Variants in XRN2 observed in about 807,000 individuals in gnomAD.
XRN2 encodes the protein DHM1-like protein.
A neutral mutation model predicts 138.5 loss-of-function variants in XRN2; 44 were observed. The ratio of observed to expected loss-of-function variants is 0.32; its 90% CI spans 0.25 to 0.41. The LOEUF is 0.41. Ranked by LOEUF, XRN2 falls within the 10% of genes least tolerant of loss-of-function variation. XRN2 has a pLI of 1.00. For synonymous variants in XRN2, 354 were observed against 369.4 expected, an observed-to-expected ratio of 0.96 and a Z score of 0.48; for missense variants, 937 against 1,169.3, an observed-to-expected ratio of 0.80 and a Z score of 2.90.
chr20:21,317,098 C>G (rs914450982), intron 1 of XRN2, among the ~76,000 whole-genome samples: 1 of 152,166 alleles, frequency 6.6e-6, no homozygotes, highest in Middle Eastern at 3.4e-3. Context: ...TTTCCTTTTC[C>G]TGCCTAATTG....
At chr20:21,303,567 C>G in intron 1 of XRN2, 94 bp downstream of exon 1, 8 of 1,410,052 alleles carry the variant, frequency 5.7e-6, no homozygotes, top group Non-Finnish European at 7.4e-6. Flanking sequence ...CCCCGGGGAG[C>G]CTTGCCGGAG....
Position 21,386,864 on chromosome 20 carries a change from A to G in XRN2, c.2649-4A>G. 1.9e-6 allele frequency: 3 copies of G among 1,609,036 alleles called. No homozygotes were observed. The highest frequency in any genetic ancestry group is 2.6e-6 in the Non-Finnish European group (3 of 1,175,864). ...TCTGATGTAAAACTGGTACTTTCCT[A>G]CAGAGGCGTTGGGGCTGAACCTCTG... On this transcript the variant is annotated splice_polypyrimidine_tract_variant and splice_region_variant and intron_variant, in intron 28 of 29. Coordinates refer to ENST00000377191, the MANE Select transcript of XRN2 (RefSeq NM_012255.5).
At chr20:21,341,848 G>C (rs1470485225) in intron 15 of XRN2, among the ~76,000 whole-genome samples, 6 of 152,192 alleles carry the variant, frequency 3.9e-5, no homozygotes, top group Admixed American at 3.9e-4. Flanking sequence ...TGATGGTAGA[G>C]TACTTTTTTT....
chr20:21,361,348 T>A lies in XRN2; in HGVS notation c.2255+3556T>A, dbSNP rs114572524. 5.9e-3 allele frequency among the ~76,000 whole-genome samples: 902 copies of A among 152,340 alleles called. 9 individuals carry two copies. The highest frequency in any genetic ancestry group is 0.021 in the African/African-American group (869 of 41,570). On this transcript the variant is annotated intron_variant, in intron 24 of 29. Transcript: ENST00000377191. The stretch of plus-strand genomic sequence containing the variant: ...GGTTACCTATTAAGGAAAGGATCTG[T>A]TATGCTACTTGGGGGAAAGCTGGTC...
chr20:21,318,055 ACTTTT>A lies in XRN2; in HGVS notation c.76-8218_76-8214del, dbSNP rs1273834293. On this transcript the variant is annotated intron_variant, in intron 1 of 29. Coordinates refer to ENST00000377191, the MANE Select transcript of XRN2 (RefSeq NM_012255.5). ...TCAGCAGTGAAGCCATTTACACTTGACTTTTCTTTTGGGTAGTTTGCGGATTACTG... is the reference window on the plus strand; with the variant it reads ...TCAGCAGTGAAGCCATTTACACTTGACTTTTGGGTAGTTTGCGGATTACTG... Among the ~76,000 whole-genome samples the A allele has an allele frequency of 2.6e-4, 40 of 152,212 alleles. No individual in the cohort carries two copies. In the South Asian group the frequency reaches 5.0e-3, roughly 19 times the overall value.
intron 1 of XRN2, among the ~76,000 whole-genome samples, chr20:21,322,776 C>A (rs2038064185): frequency 6.6e-6 from 1 of 152,162 alleles, no homozygotes; most frequent in South Asian, 2.1e-4. Flanking sequence ...TTTTCATGCA[C>A]AAATATAATG....
chr20:21,352,674 T>G (rs1441597357), intron 20 of XRN2, among the ~76,000 whole-genome samples: 1 of 152,202 alleles, frequency 6.6e-6, no homozygotes, highest in Non-Finnish European at 1.5e-5. Flanking sequence ...GTCAATTTGC[T>G]TAGTACTATA....
chr20:21,303,365 G>A lies in XRN2; in HGVS notation c.-34G>A. 1 of 1,541,692 alleles carries A rather than the reference G, an allele frequency of 6.5e-7. No homozygotes were observed. The highest frequency in any genetic ancestry group is 8.7e-7 in the Non-Finnish European group (1 of 1,143,940). ...CCCGTCTCTTTGGTTACGCTCGTCAGCCGGTCGGCCGCCGCCTCCAGCCGT... is the reference window on the plus strand; with the variant it reads ...CCCGTCTCTTTGGTTACGCTCGTCAACCGGTCGGCCGCCGCCTCCAGCCGT... On this transcript the variant is annotated 5_prime_UTR_variant, in exon 1 of 30. Coordinates refer to ENST00000377191, the MANE Select transcript of XRN2 (RefSeq NM_012255.5).
chr20:21,320,725 G>A (rs1369120494), intron 1 of XRN2, among the ~76,000 whole-genome samples: 3 of 152,058 alleles, frequency 2.0e-5, no homozygotes, highest in African/African-American at 7.3e-5. Flanking sequence ...CTCCCGAGTA[G>A]CTGGGGCTAC....
At chr20:21,389,228 G>T in intron 29 of XRN2, 45 bp from the exon 30 acceptor site, 1 of 1,545,982 alleles carries the variant, frequency 6.5e-7, no homozygotes, top group East Asian at 2.3e-5. Flanking sequence ...TGACTTGCAG[G>T]AGTATCGGTC....
intron 24 of XRN2, among the ~76,000 whole-genome samples, chr20:21,362,994 C>T (rs917397617): frequency 2.6e-5 from 4 of 152,142 alleles, no homozygotes; most frequent in Non-Finnish European, 5.9e-5. Flanking sequence ...CTTTCCATAT[C>T]TTTGTTCCAT....
chr20:21,386,834 T>A, intron 28 of XRN2, 34 bp from the exon 29 acceptor site: 4 of 1,596,002 alleles, frequency 2.5e-6, no homozygotes, highest in Admixed American at 1.7e-5. Context: ...ATAATAGGTG[T>A]GGCTTCTGAT....
intron 15 of XRN2, among the ~76,000 whole-genome samples, chr20:21,341,169 CCA>C (rs1410000098): frequency 6.6e-6 from 1 of 152,090 alleles, no homozygotes; most frequent in Admixed American, 6.5e-5. Flanking sequence ...TGCAGATGAA[CCA>C]CACACTGCTT....
chr20:21,351,652 A>G (rs2038511482), intron 20 of XRN2, among the ~76,000 whole-genome samples: 1 of 152,164 alleles, frequency 6.6e-6, no homozygotes, highest in Non-Finnish European at 1.5e-5. Context: ...TATCCAAGAA[A>G]TCTTTACCAA....
chr20:21,311,258 C>A (rs577418745), intron 1 of XRN2, among the ~76,000 whole-genome samples: 9 of 152,200 alleles, frequency 5.9e-5, no homozygotes, highest in African/African-American at 2.2e-4. Flanking sequence ...AACAGTAACT[C>A]CTTGTCCCCC....
chr20:21,344,031 CCTT>C, intron 15 of XRN2, 56 bp from the exon 16 acceptor site: 2 of 1,308,366 alleles, frequency 1.5e-6, no homozygotes, highest in African/African-American at 2.9e-5. Flanking sequence ...GTTGGATGTA[CCTT>C]CTTATGTAAA....
At chr20:21,377,264 C>CTTTTCTTTTTTTTTTTTT (rs1555788241) in intron 27 of XRN2, among the ~76,000 whole-genome samples, 9 of 82,782 alleles carry the variant, frequency 1.1e-4, no homozygotes, top group Middle Eastern at 0.011. Flanking sequence ...TCGGTTTTTT[C>CTTTTCTTTTTTTTTTTTT]TTTTTTTTTT....
chr20:21,362,272 G>A (rs1442430132), intron 24 of XRN2, among the ~76,000 whole-genome samples: 3 of 152,098 alleles, frequency 2.0e-5, no homozygotes, highest in Admixed American at 2.0e-4. Context: ...TTTAGTTTCA[G>A]CTGTCTTATT....
At chr20:21,331,445 T>G (rs1306750248) in intron 6 of XRN2, 116 bp from the exon 7 acceptor site, 1 of 741,852 alleles carries the variant, frequency 1.3e-6, no homozygotes, top group Non-Finnish European at 2.3e-6. Flanking sequence ...ACACCCTTAT[T>G]CAGAAAATTT....
Sources: allele counts gnomAD v4.1 joint callset (sites outside exome capture counted in the v4.1 genomes callset), GRCh38; gene constraint gnomAD v4.1.1; transcripts MANE v1.5; gene names NCBI Gene and HGNC (gene_info 2026-07-23, HGNC 2026-07-21).